PTPN21: variants seen among roughly 807,000 people sequenced by gnomAD.
PTPN21 encodes protein tyrosine phosphatase non-receptor type 21, also known as tyrosine-protein phosphatase non-receptor type 21.
Under a neutral mutation model 131.8 loss-of-function variants are expected in PTPN21, and 77 were observed. That is an observed-to-expected ratio of 0.58 (90% CI 0.49 to 0.71). The LOEUF (loss-of-function observed/expected upper bound fraction) is 0.71, where lower values mean the gene tolerates loss of function less well. PTPN21 is among the 30% of genes least tolerant of loss of function. PTPN21 has a pLI of 0.00. For missense variants in PTPN21, 1,552 were observed against 1,527.1 expected (o/e 1.02, Z -0.27); for synonymous variants, 715 against 621.3 (o/e 1.15, Z -2.24).
intron 3 of PTPN21, chr14:88,513,528 T>G (rs2078216656): frequency 6.6e-6 from 1 of 152,204 alleles, no homozygotes. Flanking sequence ...TCATAGCCAG[T>G]GAGGTTTATC....
Position 88,517,243 on chromosome 14 carries a change from A to G in PTPN21, c.199T>C (p.Trp67Arg), listed in dbSNP as rs776483451. ...ELREVTYFSLWYYNKQNQRRW... is the reference protein window; with the variant it reads ...ELREVTYFSLRYYNKQNQRRW... ...CGCTGATTTTGCTTGTTGTAGTACC[A>G]GAGGCTGAAGTAAGTGACCTGGAAA... The change falls in exon 3 of 19, where the codon TGG becomes CGG. Residue 67 changes from tryptophan (W) to arginine (R), a missense_variant. This residue lies in a region of PTPN21 where 206 missense variants were observed against 221.6 expected (regional missense o/e 0.93). Coordinates refer to ENST00000556564, the MANE Select transcript of PTPN21 (RefSeq NM_007039.4). 1.9e-6 allele frequency: 3 copies of G among 1,614,098 alleles called. No homozygotes were observed. The highest frequency in any genetic ancestry group is 3.3e-5 in the Admixed American group (2 of 60,010).
At chr14:88,532,120 A>C (rs1393532829) in intron 2 of PTPN21, among the ~76,000 whole-genome samples, 1 of 151,946 alleles carries the variant, frequency 6.6e-6, no homozygotes, top group Non-Finnish European at 1.5e-5. Context: ...AAAAAAAAAA[A>C]AACTGCCAAC....
rs115042091 is a variant in PTPN21, at chr14:88,492,252, G to C, written c.932+4161C>G. Among the ~76,000 whole-genome samples the C allele has an allele frequency of 5.5e-3, 844 of 152,284 alleles. 6 individuals carry two copies. Among genetic ancestry groups the C allele is most frequent in the African/African-American group, 0.02 (815 of 41,558 alleles). Reference sequence around the variant, plus strand: ...AAAATGAAAATGCTGTGGTCCAACAGACTGCATTATCTACTGCTTGAATCT... The same window carrying C: ...AAAATGAAAATGCTGTGGTCCAACACACTGCATTATCTACTGCTTGAATCT... On this transcript the variant is annotated intron_variant, in intron 10 of 18. Transcript: ENST00000556564.
chr14:88,523,750 C>CAT (rs954524148), intron 2 of PTPN21, among the ~76,000 whole-genome samples: 4 of 151,828 alleles, frequency 2.6e-5, no homozygotes, highest in African/African-American at 9.7e-5. Flanking sequence ...CACACACACA[C>CAT]ACACACCCCT....
rs1394864900 is a variant in PTPN21, at chr14:88,546,015, AAG to A, written c.180+4221_180+4222del. Reference sequence around the variant, plus strand: ...TCAAATAAAAAAAAAAAAAAAAAAAAAGAAGTTACTTTCTGTAGTTCAAATAT... The same window carrying A: ...TCAAATAAAAAAAAAAAAAAAAAAAAAAGTTACTTTCTGTAGTTCAAATAT... On this transcript the variant is annotated intron_variant, in intron 2 of 18. Coordinates refer to ENST00000556564, the MANE Select transcript of PTPN21 (RefSeq NM_007039.4). 1.5e-4 allele frequency among the ~76,000 whole-genome samples: 23 copies of A among 151,844 alleles called. 1 individual carries two copies. In the South Asian group the frequency reaches 4.4e-3, roughly 29 times the overall value.
At chr14:88,508,974 C>T (rs751799077) in intron 3 of PTPN21, among the ~76,000 whole-genome samples, 2 of 152,104 alleles carry the variant, frequency 1.3e-5, no homozygotes, top group Non-Finnish European at 2.9e-5. Flanking sequence ...CGAACTTGGG[C>T]AAGTCATAAT....
chr14:88,526,956 C>A (rs1030123854), intron 2 of PTPN21, among the ~76,000 whole-genome samples: 1 of 152,178 alleles, frequency 6.6e-6, no homozygotes, highest in African/African-American at 2.4e-5. Context: ...GTCTCCAACT[C>A]CATCTAGGTT....
intron 12 of PTPN21, among the ~76,000 whole-genome samples, 184 bp from the exon 13 acceptor site, chr14:88,480,536 G>A (rs2077638836): frequency 6.6e-6 from 1 of 152,148 alleles, no homozygotes; most frequent in South Asian, 2.1e-4. Context: ...TCATCTATAG[G>A]ATGGGCATGG....
chr14:88,473,547 A>T, intron 14 of PTPN21, 118 bp downstream of exon 14: 1 of 1,266,576 alleles, frequency 7.9e-7, no homozygotes, highest in Non-Finnish European at 1.1e-6. Flanking sequence ...AAAATTCCTT[A>T]ACACTCATTT....
intron 3 of PTPN21, among the ~76,000 whole-genome samples, chr14:88,509,257 C>T (rs965072159): frequency 1.3e-5 from 2 of 152,128 alleles, no homozygotes; most frequent in Admixed American, 1.3e-4. Context: ...GGATACCGTA[C>T]TAAATGGAAA....
At chr14:88,498,920 A>G (rs926267141) in intron 8 of PTPN21, among the ~76,000 whole-genome samples, 9 of 152,214 alleles carry the variant, frequency 5.9e-5, no homozygotes, top group African/African-American at 2.2e-4. Context: ...TTTATTTTAA[A>G]TGTATTAAAA....
At chr14:88,518,659 G>T (rs1319450225) in intron 2 of PTPN21, among the ~76,000 whole-genome samples, 1 of 150,444 alleles carries the variant, frequency 6.6e-6, no homozygotes, top group Non-Finnish European at 1.5e-5. Context: ...TCGAACTCCT[G>T]ACCTCAGTTG....
chr14:88,473,869 A>G, intron 13 of PTPN21, 67 bp from the exon 14 acceptor site: 3 of 1,425,452 alleles, frequency 2.1e-6, no homozygotes, highest in Non-Finnish European at 2.9e-6. Context: ...AGAAGTTTCA[A>G]TGCACTGAAG....
Position 88,504,484 on chromosome 14 carries a change from T to C in PTPN21, c.528A>G (p.Gln176=). ...TTGCTTCTTCCAATACTTTTTCATC[T>C]TGTAACCATCCCTGAAGAAAACACA... ...KFALFPVGWL[Q]DEKVLEEATQ... The change falls in exon 6 of 19, where the codon CAA becomes CAG. Residue 176 remains glutamine (Q), a synonymous_variant. Transcript: ENST00000556564. 1 of 1,612,718 alleles carries C rather than the reference T, an allele frequency of 6.2e-7. No homozygotes were observed. The highest frequency in any genetic ancestry group is 8.5e-7 in the Non-Finnish European group (1 of 1,178,748).
chr14:88,497,148 G>C, intron 9 of PTPN21, 55 bp downstream of exon 9: 1 of 1,368,094 alleles, frequency 7.3e-7, no homozygotes, highest in South Asian at 1.2e-5. Context: ...CGCAGAAGTA[G>C]AACTTGTTAA....
At chr14:88,524,212 C>T (rs2078442219) in intron 2 of PTPN21, among the ~76,000 whole-genome samples, 1 of 152,144 alleles carries the variant, frequency 6.6e-6, no homozygotes, top group South Asian at 2.1e-4. Context: ...ACTCACACTT[C>T]CTTGTTTCAA....
chr14:88,493,160 T>C (rs571003416), intron 10 of PTPN21: 33 of 442,224 alleles, frequency 7.5e-5, no homozygotes, highest in South Asian at 3.4e-4. Flanking sequence ...ACAGGGTTAC[T>C]GTAAGGATTA....
chr14:88,507,464 C>A lies in PTPN21; in HGVS notation c.448+459G>T, dbSNP rs529085560. ...CTAGGCTATATTGTATAACCTATTG[C>A]TCATAGAAGCCTATACAGCATGTTA... On this transcript the variant is annotated intron_variant, in intron 4 of 18. Coordinates refer to ENST00000556564, the MANE Select transcript of PTPN21 (RefSeq NM_007039.4). Among the ~76,000 whole-genome samples the A allele has an allele frequency of 3.9e-5, 6 of 152,198 alleles. No individual in the cohort carries two copies. In the East Asian group the frequency reaches 1.2e-3, roughly 29 times the overall value.
intron 2 of PTPN21, among the ~76,000 whole-genome samples, chr14:88,517,859 A>G (rs1566839176): frequency 6.8e-6 from 1 of 146,422 alleles, no homozygotes; most frequent in Non-Finnish European, 1.5e-5. Flanking sequence ...TGGTATATAT[A>G]TGTGTATATG....
Sources: gnomAD v4.1 joint callset for allele counts (sites outside exome capture counted in the v4.1 genomes callset) on GRCh38, gnomAD v4.1.1 for gene constraint, gnomAD v4.1.1 regional missense constraint, MANE v1.5 for transcripts, NCBI Gene and HGNC (gene_info 2026-07-23, HGNC 2026-07-21) for gene names.